GFRA1: variants seen among roughly 807,000 people sequenced by gnomAD.
The protein encoded by GFRA1 is GDNF family receptor alpha 1.
GFRA1 carries 16 observed loss-of-function variants against 51.6 expected under a neutral mutation model. The ratio of observed to expected loss-of-function variants is 0.31; its 90% CI spans 0.21 to 0.47. GFRA1 has a LOEUF of 0.47. Ranked by LOEUF, GFRA1 falls within the 20% of genes least tolerant of loss-of-function variation. The probability of loss-of-function intolerance (pLI) is 1.00; values close to 1 mark genes in which losing one functional copy is unlikely to be tolerated. For synonymous variants in GFRA1, 270 were observed against 241.3 expected (o/e 1.12, Z -1.10); for missense variants, 530 against 594.3 (o/e 0.89, Z 1.13).
chr10:116,112,649 G>A (rs1002031871), intron 6 of GFRA1, among the ~76,000 whole-genome samples: 1 of 152,220 alleles, frequency 6.6e-6, no homozygotes, highest in Non-Finnish European at 1.5e-5. Flanking sequence ...TGGCATGCTA[G>A]AAAAGAGAGG....
chr10:116,232,391 T>C (rs1382916481), intron 4 of GFRA1, among the ~76,000 whole-genome samples: 6 of 152,146 alleles, frequency 3.9e-5, no homozygotes, highest in Non-Finnish European at 7.4e-5. Context: ...ACCATTTGAA[T>C]GAATCCATTT....
Position 116,207,637 on chromosome 10 carries a change from G to A in GFRA1, c.433+3994C>T, listed in dbSNP as rs540331963. 9.2e-5 allele frequency among the ~76,000 whole-genome samples: 14 copies of A among 152,246 alleles called. No individual in the cohort carries two copies. The South Asian group carries it at 1.9e-3, about 20-fold the overall frequency. On this transcript the variant is annotated intron_variant, in intron 5 of 10. Transcript: ENST00000355422. ...ATTGATATATATATATCATATGCAT[G>A]TAATACATATGATACACACATGTAC...
At position 116,064,423 on chromosome 10, in the gene GFRA1, A is replaced by G. The variant is rs1390592088; in HGVS notation, c.1373T>C (p.Leu458Pro). Residue 458 changes from leucine (L) to proline (P), a missense_variant, in exon 11 of 11, where the codon CTA becomes CCA. Physicochemically the swap from Leu to Pro is moderately conservative, Grantham distance 98 (BLOSUM62 -3). Coordinates refer to ENST00000355422, the MANE Select transcript of GFRA1 (RefSeq NM_005264.8). ...CTATGATGTTTCTGTTAAAGATAAT[A>G]GGGTGGACAGAGCGGTTACCACCAG... ...LVLVVTALST[L>P]LSLTETS 1 of 1,612,850 alleles carries G rather than the reference A, an allele frequency of 6.2e-7. No homozygotes were observed. The highest frequency in any genetic ancestry group is 2.2e-5 in the East Asian group (1 of 44,850).
intron 5 of GFRA1, among the ~76,000 whole-genome samples, chr10:116,194,048 AAATAAATAAATAAAATTT>A (rs1409499134): frequency 3.0e-5 from 3 of 100,724 alleles, no homozygotes; most frequent in Non-Finnish European, 5.7e-5. Flanking sequence ...CAATAAAAAA[AAATAAATAAATAAAATTT>A]AAAAAAAAAA....
chr10:116,235,643 A>C (rs1032626930), intron 4 of GFRA1, among the ~76,000 whole-genome samples: 1 of 152,134 alleles, frequency 6.6e-6, no homozygotes, highest in African/African-American at 2.4e-5. Flanking sequence ...CCTGTCACAG[A>C]CTGGAGGTCT....
At chr10:116,223,115 C>T (rs577299988) in intron 4 of GFRA1, among the ~76,000 whole-genome samples, 333 of 152,190 alleles carry the variant, frequency 2.2e-3, no homozygotes, top group African/African-American at 7.6e-3. Context: ...GATTCTAAAA[C>T]TCAAAAATAA....
At position 116,148,082 on chromosome 10, in the gene GFRA1, G is replaced by GTGCGTGCATGCA. The variant is rs143749017; in HGVS notation, c.434-22526_434-22525insTGCATGCACGCA. 5.4e-5 allele frequency among the ~76,000 whole-genome samples: 7 copies of GTGCGTGCATGCA among 129,494 alleles called. 1 individual carries two copies. The South Asian group carries it at 1.1e-3, about 20-fold the overall frequency. 85.0% of individuals were successfully genotyped at this position (129,494 alleles called of 152,430 possible). On this transcript the variant is annotated intron_variant, in intron 5 of 10. Coordinates refer to ENST00000355422, the MANE Select transcript of GFRA1 (RefSeq NM_005264.8). The stretch of plus-strand genomic sequence containing the variant: ...TGTGTGCATGCGTGTGTGCATGTGT[G>GTGCGTGCATGCA]TGTGTGCATGCGTGTGTGCATGCAT...
intron 9 of GFRA1, among the ~76,000 whole-genome samples, chr10:116,084,884 T>TTGA (rs1278939995): frequency 1.3e-5 from 2 of 151,914 alleles, no homozygotes; most frequent in South Asian, 2.1e-4. Flanking sequence ...GATGAAGTAA[T>TTGA]TGATAGGATT....
intron 4 of GFRA1, among the ~76,000 whole-genome samples, chr10:116,227,615 T>C (rs1966391175): frequency 6.6e-6 from 1 of 152,250 alleles, no homozygotes; most frequent in African/African-American, 2.4e-5. Context: ...GTATCTACTT[T>C]TGTTCAGCAT....
chr10:116,208,380 C>A (rs1233201683), intron 5 of GFRA1, among the ~76,000 whole-genome samples: 1 of 152,130 alleles, frequency 6.6e-6, no homozygotes, highest in Admixed American at 6.5e-5. Context: ...AAACAGGACC[C>A]TTTGCTGTCT....
chr10:116,222,259 C>A (rs908965517), intron 4 of GFRA1, among the ~76,000 whole-genome samples: 3 of 152,050 alleles, frequency 2.0e-5, no homozygotes, highest in Admixed American at 1.3e-4. Context: ...AGTGCAGCAG[C>A]GTGATCTCGG....
Position 116,064,259 on chromosome 10 carries a change from A to G in GFRA1, c.*139T>C, listed in dbSNP as rs1954985537. The G allele has an allele frequency of 1.3e-6, 1 of 766,722 alleles. No individual in the cohort carries two copies. Among genetic ancestry groups the G allele is most frequent in the Non-Finnish European group, 2.1e-6 (1 of 468,402 alleles). The allele number at this position is 766,722 out of a possible 1,614,324, so 47.5% of individuals were successfully genotyped here. A position where few individuals can be genotyped will look rare whatever the true frequency, so the allele number is the denominator to read the frequency against. ...TCACAAGAAGCTTTCTTAAAAGGAA[A>G]AAAAAAAAATGTTCCAGTTGAATGG... is the stretch of plus-strand genomic sequence containing the variant. On this transcript the variant is annotated 3_prime_UTR_variant, in exon 11 of 11. Coordinates refer to ENST00000355422, the MANE Select transcript of GFRA1 (RefSeq NM_005264.8).
intron 4 of GFRA1, among the ~76,000 whole-genome samples, chr10:116,261,654 A>G (rs1209513402): frequency 6.6e-6 from 1 of 152,262 alleles, no homozygotes; most frequent in East Asian, 1.9e-4. Flanking sequence ...AAGGTTATGA[A>G]CATGAAAGAC....
chr10:116,186,149 A>T (rs1157042786), intron 5 of GFRA1, among the ~76,000 whole-genome samples: 1 of 152,190 alleles, frequency 6.6e-6, no homozygotes, highest in Non-Finnish European at 1.5e-5. Flanking sequence ...GTGGCAGCAC[A>T]GGGAGGAGAG....
chr10:116,110,738 C>G (rs185159809), intron 6 of GFRA1, among the ~76,000 whole-genome samples: 1 of 152,154 alleles, frequency 6.6e-6, no homozygotes, highest in African/African-American at 2.4e-5. Flanking sequence ...CACTAAGCAC[C>G]CACAATGTAA....
chr10:116,098,109 T>C (rs996620785), intron 6 of GFRA1, among the ~76,000 whole-genome samples: 1 of 152,198 alleles, frequency 6.6e-6, no homozygotes, highest in Non-Finnish European at 1.5e-5. Context: ...CTCTCTATGT[T>C]CTGGGGACCT....
chr10:116,269,086 T>C (rs1969888747), intron 4 of GFRA1, among the ~76,000 whole-genome samples: 1 of 152,216 alleles, frequency 6.6e-6, no homozygotes, highest in Admixed American at 6.5e-5. Context: ...AGATTATCTT[T>C]GGGCGTCTTG....
At chr10:116,188,895 G>GT (rs2134311844) in intron 5 of GFRA1, among the ~76,000 whole-genome samples, 1 of 135,244 alleles carries the variant, frequency 7.4e-6, no homozygotes, top group African/African-American at 2.9e-5. Flanking sequence ...GTGAGACTCT[G>GT]TTTAAAAAAA....
At chr10:116,197,398 T>G (rs1048110691) in intron 5 of GFRA1, among the ~76,000 whole-genome samples, 7 of 152,148 alleles carry the variant, frequency 4.6e-5, no homozygotes, top group African/African-American at 1.7e-4. Flanking sequence ...CCTCTAGAAC[T>G]GCCAGAAATA....
Sources: gnomAD v4.1 joint callset for allele counts (sites outside exome capture counted in the v4.1 genomes callset) on GRCh38, gnomAD v4.1.1 for gene constraint, MANE v1.5 for transcripts, NCBI Gene and HGNC (gene_info 2026-07-23, HGNC 2026-07-21) for gene names.